CSMD1: variants seen among roughly 807,000 people sequenced by gnomAD.
CSMD1 encodes the protein CUB and Sushi multiple domains 1, also known as CUB and sushi domain-containing protein 1.
CSMD1 carries 213 observed loss-of-function variants against 417.5 expected under a neutral mutation model. The ratio of observed to expected loss-of-function variants is 0.51; its 90% CI spans 0.46 to 0.57. CSMD1 has a LOEUF of 0.57. Among genes scored for constraint, CSMD1 ranks in the 20% least tolerant of loss-of-function variants. The pLI, the probability that CSMD1 is intolerant of heterozygous loss-of-function variation, is 0.00. For synonymous variants in CSMD1, 2,862 were observed against 1,736.8 expected (o/e 1.65, Z -16.11); for missense variants, 6,923 against 4,529.7 (o/e 1.53, Z -15.17).
chr8:4,133,876 A>AT (rs1554464051), intron 3 of CSMD1, among the ~76,000 whole-genome samples: 1 of 152,174 alleles, frequency 6.6e-6, no homozygotes, highest in Non-Finnish European at 1.5e-5. Context: ...AAGACAGGAA[A>AT]TTTTTTATAA....
At chr8:4,177,289 C>T (rs990701266) in intron 3 of CSMD1, among the ~76,000 whole-genome samples, 1 of 152,070 alleles carries the variant, frequency 6.6e-6, no homozygotes, top group Non-Finnish European at 1.5e-5. Context: ...CTCAAAACCG[C>T]TCAACTACAT....
Position 4,519,742 on chromosome 8 carries a change from C to CAAAAAAAAAAAAAAAAAAAAA in CSMD1, c.303-99698_303-99678dup, listed in dbSNP as rs57747377. Among the ~76,000 whole-genome samples, 18 of 80,392 alleles carry CAAAAAAAAAAAAAAAAAAAAA rather than the reference C, an allele frequency of 2.2e-4. 6 individuals carry two copies. The highest frequency in any genetic ancestry group is 8.9e-4 in the African/African-American group (17 of 19,104). The allele number at this position is 80,392 out of a possible 152,430, so 52.7% of individuals were successfully genotyped here. A position where few individuals can be genotyped will look rare whatever the true frequency, so the allele number is the denominator to read the frequency against. On this transcript the variant is annotated intron_variant, in intron 2 of 69. Coordinates refer to ENST00000635120, the MANE Select transcript of CSMD1 (RefSeq NM_033225.6). The stretch of plus-strand genomic sequence containing the variant: ...TAGGCAGCAGAGTCAGACTTCATCT[C>CAAAAAAAAAAAAAAAAAAAAA]AAAAAAAAAAAAAAAAAAAAAAAAA...
Position 4,076,219 on chromosome 8 carries a change from G to T in CSMD1, c.416-44120C>A, listed in dbSNP as rs577072609. On this transcript the variant is annotated intron_variant, in intron 3 of 69. Transcript: ENST00000635120. ...ACAAGATCTAATGGTTTTAGAAGGG[G>T]CTTTTCCCCCGTTTCTTGGCACTTC... is the stretch of plus-strand genomic sequence containing the variant. Among the ~76,000 whole-genome samples the T allele has an allele frequency of 1.2e-4, 19 of 152,208 alleles. No individual in the cohort carries two copies. In the South Asian group the frequency reaches 3.9e-3, roughly 32 times the overall value.
chr8:4,676,770 G>T (rs1805709680), intron 1 of CSMD1, among the ~76,000 whole-genome samples: 1 of 151,768 alleles, frequency 6.6e-6, no homozygotes, highest in Admixed American at 6.6e-5. Context: ...GCCCACCAAA[G>T]CTTTTCTTTG....
chr8:3,102,616 C>G (rs1397070608), intron 46 of CSMD1, among the ~76,000 whole-genome samples: 2 of 152,146 alleles, frequency 1.3e-5, no homozygotes, highest in African/African-American at 4.8e-5. Flanking sequence ...TGTCATCATG[C>G]AAAGATAACA....
intron 5 of CSMD1, among the ~76,000 whole-genome samples, chr8:3,756,270 G>A (rs1357913867): frequency 6.6e-6 from 1 of 151,406 alleles, no homozygotes; most frequent in Admixed American, 6.6e-5. Flanking sequence ...GGAGAATGGC[G>A]TGAACCTGGG....
At chr8:4,110,038 G>C (rs774098148) in intron 3 of CSMD1, among the ~76,000 whole-genome samples, 6 of 152,248 alleles carry the variant, frequency 3.9e-5, no homozygotes, top group South Asian at 2.1e-4. Context: ...ACTGTGCCCA[G>C]GCTAGACTGA....
At chr8:4,504,732 G>C (rs1476591035) in intron 2 of CSMD1, among the ~76,000 whole-genome samples, 1 of 152,116 alleles carries the variant, frequency 6.6e-6, no homozygotes, top group Non-Finnish European at 1.5e-5. Context: ...AACATGTGAT[G>C]TTTGGTTTTC....
At chr8:4,897,952 A>G (rs973735745) in intron 1 of CSMD1, among the ~76,000 whole-genome samples, 5 of 152,144 alleles carry the variant, frequency 3.3e-5, no homozygotes, top group African/African-American at 7.2e-5. Flanking sequence ...TCTAATTTTT[A>G]TAATATGCTT....
At chr8:3,171,976 G>C (rs1420266182) in intron 37 of CSMD1, among the ~76,000 whole-genome samples, 1 of 152,044 alleles carries the variant, frequency 6.6e-6, no homozygotes, top group African/African-American at 2.4e-5. Context: ...GTTTCCAAAG[G>C]CTAGACTTAC....
At chr8:4,179,666 C>T (rs1798246769) in intron 3 of CSMD1, among the ~76,000 whole-genome samples, 2 of 152,020 alleles carry the variant, frequency 1.3e-5, no homozygotes, top group African/African-American at 2.4e-5. Flanking sequence ...AGGAAATTTT[C>T]GCAATCTACT....
chr8:4,804,063 C>G (rs115798725), intron 1 of CSMD1, among the ~76,000 whole-genome samples: 1,710 of 152,278 alleles, frequency 0.011, 28 homozygotes, highest in African/African-American at 0.038. Context: ...GGGGTGTGTT[C>G]TATTTCATGG....
intron 2 of CSMD1, among the ~76,000 whole-genome samples, chr8:4,571,455 AG>A (rs199575970): frequency 0.012 from 1,853 of 152,254 alleles, 19 homozygotes; most frequent in Middle Eastern, 0.034. Flanking sequence ...TGCAGTTTTG[AG>A]TGAGTTTCTT....
At chr8:3,373,505 T>C (rs1295915784) in intron 18 of CSMD1, 1 of 152,174 alleles carries the variant, frequency 6.6e-6, no homozygotes, top group Non-Finnish European at 1.5e-5. Context: ...AGAAGGAAAT[T>C]TGATGTATGG....
At chr8:3,055,661 A>G (rs1240995795) in intron 49 of CSMD1, among the ~76,000 whole-genome samples, 1 of 152,230 alleles carries the variant, frequency 6.6e-6, no homozygotes, top group African/African-American at 2.4e-5. Flanking sequence ...ATTTCCTTAC[A>G]TTTGGTATAT....
intron 3 of CSMD1, among the ~76,000 whole-genome samples, chr8:4,332,359 A>G (rs1799913852): frequency 6.6e-6 from 1 of 152,066 alleles, no homozygotes; most frequent in Non-Finnish European, 1.5e-5. Context: ...GGAAGACAGC[A>G]TTGCACTCAA....
At chr8:3,222,440 G>C (rs1798271904) in intron 28 of CSMD1, among the ~76,000 whole-genome samples, 1 of 151,990 alleles carries the variant, frequency 6.6e-6, no homozygotes. Context: ...CTCTCGAGTA[G>C]CTAGAACCAG....
At position 3,352,260 on chromosome 8, in the gene CSMD1, A is replaced by G. The variant is rs75146015; in HGVS notation, c.3305-4099T>C. Among the ~76,000 whole-genome samples, 1,378 of 152,264 alleles carry G rather than the reference A, an allele frequency of 9.1e-3. 19 individuals carry two copies. Among genetic ancestry groups the G allele is most frequent in the African/African-American group, 0.031 (1,307 of 41,530 alleles). ...AAGTGGAGCATCACATGAAGGAACTATGGGAGATGGGATTGCAAACACAGC... is the reference window on the plus strand; with the variant it reads ...AAGTGGAGCATCACATGAAGGAACTGTGGGAGATGGGATTGCAAACACAGC... On this transcript the variant is annotated intron_variant, in intron 21 of 69. Coordinates refer to ENST00000635120, the MANE Select transcript of CSMD1 (RefSeq NM_033225.6).
chr8:4,460,976 C>G (rs2129944240), intron 2 of CSMD1, among the ~76,000 whole-genome samples: 1 of 152,234 alleles, frequency 6.6e-6, no homozygotes, highest in South Asian at 2.1e-4. Context: ...AAACTACAGA[C>G]TAGTATTTCT....
Sources: allele counts gnomAD v4.1 joint callset (sites outside exome capture counted in the v4.1 genomes callset), GRCh38; gene constraint gnomAD v4.1.1; transcripts MANE v1.5; gene names NCBI Gene and HGNC (gene_info 2026-07-23, HGNC 2026-07-21).